Variants in NELL1 observed in about 807,000 individuals in gnomAD.
NELL1 encodes neural EGFL like 1.
A neutral mutation model predicts 107.4 loss-of-function variants in NELL1; 76 were observed. The observed-to-expected ratio is 0.71, with a 90% CI of 0.59 to 0.86. NELL1 has a LOEUF of 0.86. Ranked by LOEUF, NELL1 falls within the 40% of genes least tolerant of loss-of-function variation. The pLI, the probability that NELL1 is intolerant of heterozygous loss-of-function variation, is 0.00. For synonymous variants in NELL1, 353 were observed against 341.2 expected (o/e 1.03, Z -0.38); for missense variants, 1,024 against 1,005.5 (o/e 1.02, Z -0.25).
intron 16 of NELL1, among the ~76,000 whole-genome samples, chr11:21,538,406 T>C (rs562253766): frequency 1.3e-5 from 2 of 152,246 alleles, no homozygotes; most frequent in Admixed American, 1.3e-4. Context: ...AAGTGTAACA[T>C]ATGATTGAAG....
chr11:21,025,738 C>G (rs543609434), intron 12 of NELL1, among the ~76,000 whole-genome samples: 23 of 152,188 alleles, frequency 1.5e-4, no homozygotes, highest in African/African-American at 5.3e-4. Flanking sequence ...TGATTTCAGC[C>G]TAGACTGATA....
At chr11:21,228,709 CT>C in intron 13 of NELL1, among the ~76,000 whole-genome samples, 1 of 3,048 alleles carries the variant, frequency 3.3e-4, no homozygotes, top group Non-Finnish European at 1.2e-3. Context: ...CTTCCCTCCC[CT>C]CCCACCCCTC....
intron 5 of NELL1, among the ~76,000 whole-genome samples, chr11:20,912,842 A>G (rs1046085328): frequency 6.6e-6 from 1 of 152,180 alleles, no homozygotes; most frequent in African/African-American, 2.4e-5. Context: ...AAAAGAAGCT[A>G]TATTGGATGC....
chr11:21,069,917 A>G (rs112974974), intron 12 of NELL1, among the ~76,000 whole-genome samples: 4,565 of 152,288 alleles, frequency 0.03, 209 homozygotes, highest in African/African-American at 0.1. Context: ...ATGTGTGGAC[A>G]CAATGTCCAA....
intron 2 of NELL1, among the ~76,000 whole-genome samples, chr11:20,693,763 C>G (rs373855054): frequency 6.6e-6 from 1 of 151,154 alleles, no homozygotes; most frequent in African/African-American, 2.4e-5. Flanking sequence ...AATTATGTGT[C>G]TTGGAGTTGC....
intron 12 of NELL1, among the ~76,000 whole-genome samples, chr11:21,013,828 C>CTTATATTTATGTCA (rs1407806242): frequency 6.6e-6 from 1 of 152,098 alleles, no homozygotes; most frequent in Non-Finnish European, 1.5e-5. Context: ...CGGGCTACCA[C>CTTATATTTATGTCA]TTATATTTAG....
At chr11:21,309,296 ATATG>A (rs1223248375) in intron 14 of NELL1, among the ~76,000 whole-genome samples, 91 of 72,104 alleles carry the variant, frequency 1.3e-3, no homozygotes, top group South Asian at 0.01. Context: ...ATATATATAT[ATATG>A]TATATATATA....
intron 12 of NELL1, among the ~76,000 whole-genome samples, chr11:21,076,783 G>C (rs923635797): frequency 7.9e-5 from 12 of 152,030 alleles, no homozygotes; most frequent in African/African-American, 2.7e-4. Flanking sequence ...GTTTCCATGA[G>C]AGCTGGTTGT....
chr11:21,380,534 G>A (rs971645148), intron 15 of NELL1, among the ~76,000 whole-genome samples: 5 of 151,924 alleles, frequency 3.3e-5, no homozygotes, highest in African/African-American at 1.2e-4. Flanking sequence ...CATCTCTTCA[G>A]TTCTACCCAC....
intron 12 of NELL1, among the ~76,000 whole-genome samples, chr11:21,059,766 T>TTGC (rs1189082638): frequency 1.3e-5 from 2 of 152,124 alleles, no homozygotes; most frequent in African/African-American, 4.8e-5. Context: ...GCATCTTCCT[T>TTGC]TGCTGCTACT....
At position 20,669,607 on chromosome 11, in the gene NELL1, TCC is replaced by T. The variant is rs1437377846; in HGVS notation, c.-113_-112del. 1 of 838,842 alleles carries T rather than the reference TCC, an allele frequency of 1.2e-6. No homozygotes were observed. Among genetic ancestry groups the T allele is most frequent in the East Asian group, 3.0e-5 (1 of 33,620 alleles). 52.0% of individuals were successfully genotyped at this position (838,842 alleles called of 1,614,324 possible). On this transcript the variant is annotated 5_prime_UTR_variant, in exon 1 of 20. Coordinates refer to ENST00000357134, the MANE Select transcript of NELL1 (RefSeq NM_006157.5). This position sits in a 1 kb window ranked among gnomAD's most constrained non-coding sequence, Gnocchi z 4.4. ...CAGCACCCGGCGCTGCCGAGCCACC[TCC>T]CCCGCCGCCCGCTAGCAAGTTTGGC...
chr11:21,495,092 C>T (rs550652956), intron 15 of NELL1, among the ~76,000 whole-genome samples: 1 of 152,106 alleles, frequency 6.6e-6, no homozygotes, highest in African/African-American at 2.4e-5. Flanking sequence ...CAACCATTGC[C>T]AATAGCTAAT....
At chr11:21,162,566 G>T (rs1856395993) in intron 13 of NELL1, among the ~76,000 whole-genome samples, 1 of 152,156 alleles carries the variant, frequency 6.6e-6, no homozygotes. Flanking sequence ...ATTCTGAATA[G>T]TTCCTATGTC....
intron 13 of NELL1, among the ~76,000 whole-genome samples, chr11:21,127,963 T>C: frequency 6.6e-6 from 1 of 152,098 alleles, no homozygotes; most frequent in East Asian, 1.9e-4. Context: ...ATGCATGCAT[T>C]TTTTTTCTTT....
At chr11:20,930,226 G>A (rs145560540) in intron 9 of NELL1, among the ~76,000 whole-genome samples, 166 of 152,256 alleles carry the variant, frequency 1.1e-3, no homozygotes, top group African/African-American at 3.9e-3. Context: ...AAGATGGAAA[G>A]TTCACCCATA....
chr11:21,433,957 G>A (rs751785994), intron 15 of NELL1, among the ~76,000 whole-genome samples: 4 of 152,146 alleles, frequency 2.6e-5, no homozygotes, highest in Non-Finnish European at 4.4e-5. Context: ...TTACAGTTGT[G>A]AGCCACCACG....
intron 14 of NELL1, among the ~76,000 whole-genome samples, chr11:21,314,332 C>T (rs554206679): frequency 3.3e-5 from 5 of 152,098 alleles, no homozygotes; most frequent in East Asian, 1.9e-4. Context: ...ATATTTAAAC[C>T]ATAGCTTTTA....
chr11:21,225,196 A>G (rs1179052953), intron 13 of NELL1, among the ~76,000 whole-genome samples: 1 of 152,172 alleles, frequency 6.6e-6, no homozygotes, highest in African/African-American at 2.4e-5. Flanking sequence ...GAATGGATAC[A>G]TTCTGGTGGC....
rs377685628 is a variant in NELL1, at chr11:21,560,297, G to C, written c.1895G>C (p.Gly632Ala). ...CLCPSGPSCS[G>A]DCPHEGGLKH... ...TGCCCCTCTGGGCCCTCCTGCTCTGGTGACTGTCCTCATGAAGGGGGGCTG... is the reference window on the plus strand; with the variant it reads ...TGCCCCTCTGGGCCCTCCTGCTCTGCTGACTGTCCTCATGAAGGGGGGCTG... The change falls in exon 17 of 20, where the codon GGT becomes GCT. Residue 632 changes from glycine to alanine, a missense_variant. Coordinates refer to ENST00000357134, the MANE Select transcript of NELL1 (RefSeq NM_006157.5). 2.9e-5 allele frequency: 46 copies of C among 1,613,274 alleles called. No homozygotes were observed. The East Asian group carries it at 6.7e-4, about 24-fold the overall frequency.
Sources: gnomAD v4.1 joint callset for allele counts (sites outside exome capture counted in the v4.1 genomes callset) on GRCh38, gnomAD v4.1.1 for gene constraint, Gnocchi (gnomAD v3.1) non-coding constraint, MANE v1.5 for transcripts, NCBI Gene and HGNC (gene_info 2026-07-23, HGNC 2026-07-21) for gene names.